Variants in ABR observed in about 807,000 individuals in gnomAD.
The protein encoded by ABR is ABR activator of RhoGEF and GTPase, also known as active breakpoint cluster region-related protein.
ABR carries 35 observed loss-of-function variants against 107.2 expected under a neutral mutation model. The observed-to-expected ratio is 0.33, with a 90% CI of 0.25 to 0.43. The LOEUF (loss-of-function observed/expected upper bound fraction) is 0.43, where lower values mean the gene tolerates loss of function less well. ABR is among the 20% of genes least tolerant of loss of function. ABR has a pLI of 1.00. For synonymous variants in ABR, 498 were observed against 462.0 expected (o/e 1.08, Z -1.00); for missense variants, 815 against 1,115.2 (o/e 0.73, Z 3.83).
In ABR at chr17:1,071,713, G is replaced by C. The variant is rs181785781; in HGVS notation, c.894+901C>G. Among the ~76,000 whole-genome samples, 1 of 152,390 alleles carries C rather than the reference G, an allele frequency of 6.6e-6. No individual in the cohort carries two copies. Among genetic ancestry groups the C allele is most frequent in the East Asian group, 1.9e-4 (1 of 5,192 alleles). ...AGCTCCTGCTCCCTTCGCTTCCTAGGAGACCCTGACGGCATCACACTGGCC... is the reference window on the plus strand; with the variant it reads ...AGCTCCTGCTCCCTTCGCTTCCTAGCAGACCCTGACGGCATCACACTGGCC... On this transcript the variant is annotated intron_variant, in intron 8 of 22. Coordinates refer to ENST00000302538, the MANE Select transcript of ABR (RefSeq NM_021962.5). This position sits in a 1 kb window ranked among gnomAD's most constrained non-coding sequence, Gnocchi z 5.1.
chr17:1,114,780 A>AG (rs1230005520), intron 2 of ABR, among the ~76,000 whole-genome samples: 1 of 152,146 alleles, frequency 6.6e-6, no homozygotes, highest in East Asian at 1.9e-4. Flanking sequence ...CTCAAAAAAA[A>AG]AAAGCAGTGG....
intron 1 of ABR, among the ~76,000 whole-genome samples, chr17:1,147,843 C>T (rs191903410): frequency 2.0e-5 from 3 of 152,332 alleles, no homozygotes; most frequent in Admixed American, 1.3e-4. Context: ...AAGCTGCAGC[C>T]GCCCTTTTCC....
In ABR at chr17:1,179,766, T is replaced by C. The variant is rs2151628004; in HGVS notation, c.-39A>G. 5.3e-6 allele frequency: 3 copies of C among 562,734 alleles called. No homozygotes were observed. The highest frequency in any genetic ancestry group is 6.0e-6 in the Non-Finnish European group (2 of 333,048). 34.9% of individuals were successfully genotyped at this position (562,734 alleles called of 1,614,324 possible). Reference sequence around the variant, plus strand: ...CTCGGTCAGATCCGAAACCCGACCCTCATCGCGCAACAAAGGAGGGAGAGC... The same window carrying C: ...CTCGGTCAGATCCGAAACCCGACCCCCATCGCGCAACAAAGGAGGGAGAGC... On this transcript the variant is annotated 5_prime_UTR_variant, in exon 1 of 23. Coordinates refer to ENST00000302538, the MANE Select transcript of ABR (RefSeq NM_021962.5). The surrounding 1 kb of genome is among the most constrained non-coding windows in gnomAD (Gnocchi z 4.9).
chr17:1,078,789 C>G lies in ABR; in HGVS notation c.700+541G>C. ...CCCCAGAGGTGGGAGGGTCCGCCAC[C>G]TCCCACAGCGAGCACCTGGGTTACC... On this transcript the variant is annotated intron_variant, in intron 6 of 22. Coordinates refer to ENST00000302538, the MANE Select transcript of ABR (RefSeq NM_021962.5). The surrounding 1 kb of genome is among the most constrained non-coding windows in gnomAD (Gnocchi z 7.5). 2 of 1,535,038 alleles carry G rather than the reference C, an allele frequency of 1.3e-6. No homozygotes were observed. Among genetic ancestry groups the G allele is most frequent in the Non-Finnish European group, 1.7e-6 (2 of 1,146,430 alleles).
intron 6 of ABR, among the ~76,000 whole-genome samples, chr17:1,075,316 G>A (rs1025175363): frequency 5.3e-5 from 8 of 152,282 alleles, no homozygotes; most frequent in African/African-American, 7.2e-5. Flanking sequence ...AGGCAGGTTG[G>A]TCATCTGGGA....
At chr17:1,046,194 C>T (rs980346711) in intron 16 of ABR, among the ~76,000 whole-genome samples, 11 of 141,580 alleles carry the variant, frequency 7.8e-5, no homozygotes, top group South Asian at 2.3e-4. Context: ...CTAGTAGAGA[C>T]GGGGTTTCGC....
intron 2 of ABR, among the ~76,000 whole-genome samples, chr17:1,121,328 C>T (rs1207251107): frequency 4.6e-5 from 7 of 152,230 alleles, no homozygotes; most frequent in South Asian, 2.1e-4. Context: ...AAAGCAGGTT[C>T]GGTCATGGTG....
intron 1 of ABR, among the ~76,000 whole-genome samples, chr17:1,186,524 C>A (rs950531608): frequency 4.6e-5 from 7 of 152,220 alleles, no homozygotes; most frequent in Non-Finnish European, 8.8e-5. Context: ...TGACACTCCC[C>A]ACACGCCCCC....
upstream of ABR, among the ~76,000 whole-genome samples, chr17:1,190,252 G>A (rs1157413049): frequency 1.3e-5 from 2 of 152,198 alleles, no homozygotes; most frequent in Non-Finnish European, 2.9e-5. Context: ...AAACGGCATA[G>A]AAACCCAGAA....
rs182419009 is a variant in ABR at position 1,028,135 on chromosome 17, G to A, written c.1792-14971C>T. On this transcript the variant is annotated intron_variant, in intron 16 of 22. Coordinates refer to ENST00000302538, the MANE Select transcript of ABR (RefSeq NM_021962.5). ...AGACCGAGTCTCGCTCTGTTGCCCA[G>A]GCTGGAGTGCAGTGGCATGATCTCG... 7.1e-3 allele frequency among the ~76,000 whole-genome samples: 1,087 copies of A among 152,240 alleles called. 34 individuals carry two copies. Among genetic ancestry groups the A allele is most frequent in the Admixed American group, 0.061 (933 of 15,284 alleles).
At chr17:1,100,599 G>C (rs766908843) in intron 3 of ABR, 38 bp downstream of exon 3, 6 of 1,578,954 alleles carry the variant, frequency 3.8e-6, no homozygotes, top group Middle Eastern at 1.7e-4. Context: ...AACACGGGCG[G>C]GGGGACCGGA....
chr17:1,106,913 G>T (rs1203386852), intron 2 of ABR, among the ~76,000 whole-genome samples: 1 of 152,200 alleles, frequency 6.6e-6, no homozygotes, highest in African/African-American at 2.4e-5. Flanking sequence ...ATCACGCCTT[G>T]TTCCTCTTGT....
chr17:1,153,520 G>A, intron 1 of ABR, among the ~76,000 whole-genome samples: 2 of 104,726 alleles, frequency 1.9e-5, no homozygotes, highest in Admixed American at 1.9e-4. Flanking sequence ...CACACCTGCG[G>A]GGAGGGCTGG....
rs193210798 is a variant in ABR, at chr17:1,160,990, C to T, written c.61+18677G>A. Among the ~76,000 whole-genome samples, 440 of 152,266 alleles carry T rather than the reference C, an allele frequency of 2.9e-3. 1 individual carries two copies. The highest frequency in any genetic ancestry group is 5.6e-3 in the Admixed American group (86 of 15,298). ...TGCAGACGGTGCCTTCTGAGGGAAG[C>T]GGGCAGGTGTCGCTGGACCGCCCTG... On this transcript the variant is annotated intron_variant, in intron 1 of 22. Coordinates refer to ENST00000302538, the MANE Select transcript of ABR (RefSeq NM_021962.5).
Position 1,109,248 on chromosome 17 carries a change from G to A in ABR, c.247-8513C>T, listed in dbSNP as rs547238242. 244 of 788,482 alleles carry A rather than the reference G, an allele frequency of 3.1e-4. 1 individual carries two copies. In the South Asian group the frequency reaches 3.4e-3, roughly 11 times the overall value. 48.8% of individuals were successfully genotyped at this position (788,482 alleles called of 1,614,324 possible). On this transcript the variant is annotated intron_variant, in intron 2 of 22. Coordinates refer to ENST00000302538, the MANE Select transcript of ABR (RefSeq NM_021962.5). ...TCCAGCCCGCTCCGCCGCCGCCGCC[G>A]CCGCCTCGCGCGTCCTCGCCCGGCG...
At chr17:1,123,689 C>T (rs978838669) in intron 2 of ABR, among the ~76,000 whole-genome samples, 1 of 152,088 alleles carries the variant, frequency 6.6e-6, no homozygotes, top group African/African-American at 2.4e-5. Flanking sequence ...GAGCTGAGTC[C>T]CCCCGGGCGG....
At chr17:1,040,032 G>T (rs994816257) in intron 16 of ABR, among the ~76,000 whole-genome samples, 1 of 152,212 alleles carries the variant, frequency 6.6e-6, no homozygotes, top group African/African-American at 2.4e-5. Context: ...CAGGGGCCCG[G>T]CTGTGGTCAG....
Position 1,037,050 on chromosome 17 carries a change from T to C in ABR, c.1791+13000A>G, listed in dbSNP as rs149137107. 2.7e-3 allele frequency among the ~76,000 whole-genome samples: 347 copies of C among 126,696 alleles called. 5 individuals carry two copies. The East Asian group carries it at 0.032, about 12-fold the overall frequency. 83.1% of individuals were successfully genotyped at this position (126,696 alleles called of 152,430 possible). A position where few individuals can be genotyped will look rare whatever the true frequency, so the allele number is the denominator to read the frequency against. On this transcript the variant is annotated intron_variant, in intron 16 of 22. Coordinates refer to ENST00000302538, the MANE Select transcript of ABR (RefSeq NM_021962.5). The surrounding 1 kb of genome is among the most constrained non-coding windows in gnomAD (Gnocchi z 4.6). ...TTCCATCCATCCACCCATCCATCCA[T>C]CCATCCACCCATCCATCCACCCACC...
At chr17:1,031,693 C>T in intron 16 of ABR, 2 of 1,251,758 alleles carry the variant, frequency 1.6e-6, no homozygotes, top group South Asian at 6.0e-5. Flanking sequence ...GCCAGGGGTT[C>T]GCGCCCCGCC....
Sources: gnomAD v4.1 joint callset for allele counts (sites outside exome capture counted in the v4.1 genomes callset) on GRCh38, gnomAD v4.1.1 for gene constraint, Gnocchi (gnomAD v3.1) non-coding constraint, MANE v1.5 for transcripts, NCBI Gene and HGNC (gene_info 2026-07-23, HGNC 2026-07-21) for gene names.